Variants in ANO3 observed in about 807,000 individuals in gnomAD.
ANO3 encodes anoctamin 3.
A neutral mutation model predicts 144.8 loss-of-function variants in ANO3; 99 were observed. The ratio of observed to expected loss-of-function variants is 0.68; its 90% CI spans 0.58 to 0.81. ANO3 has a LOEUF of 0.81. Ranked by LOEUF, ANO3 falls within the 30% of genes least tolerant of loss-of-function variation. ANO3 has a pLI of 0.00. For synonymous variants in ANO3, 414 were observed against 392.6 expected, an observed-to-expected ratio of 1.05 and a Z score of -0.64; for missense variants, 905 against 1,202.2, an observed-to-expected ratio of 0.75 and a Z score of 3.66.
chr11:26,297,040 T>A (rs1031342376), intron 1 of ANO3, among the ~76,000 whole-genome samples: 1 of 152,174 alleles, frequency 6.6e-6, no homozygotes, highest in Non-Finnish European at 1.5e-5. Context: ...ATTGGATAAC[T>A]CTTAAAATTA....
intron 1 of ANO3, among the ~76,000 whole-genome samples, chr11:26,338,385 TA>T (rs1161259244): frequency 6.6e-6 from 1 of 152,180 alleles, no homozygotes; most frequent in Admixed American, 6.5e-5. Flanking sequence ...TAAAGGATTA[TA>T]AACGCAGCAA....
At chr11:26,531,671 T>C (rs1565084915) in intron 8 of ANO3, among the ~76,000 whole-genome samples, 1 of 152,128 alleles carries the variant, frequency 6.6e-6, no homozygotes, top group Non-Finnish European at 1.5e-5. Flanking sequence ...TTAATTAGCA[T>C]GTTTGAGTAA....
At chr11:26,495,633 C>T (rs1860904972) in intron 4 of ANO3, among the ~76,000 whole-genome samples, 2 of 152,148 alleles carry the variant, frequency 1.3e-5, no homozygotes, top group South Asian at 4.1e-4. Context: ...CCTTCTTCCT[C>T]TTCCTAAGTC....
chr11:26,549,398 G>A (rs364850), intron 12 of ANO3, among the ~76,000 whole-genome samples: 108,079 of 151,784 alleles, frequency 0.71, 38,796 homozygotes, highest in East Asian at 0.84. Context: ...GGTGTCAGAC[G>A]TGGTTGAGTT....
chr11:26,442,664 T>C, intron 2 of ANO3, among the ~76,000 whole-genome samples: 1 of 152,168 alleles, frequency 6.6e-6, no homozygotes, highest in East Asian at 1.9e-4. Flanking sequence ...TACACACATT[T>C]GCCCACTAAG....
chr11:26,284,732 T>C (rs1015725631), intron 1 of ANO3, among the ~76,000 whole-genome samples: 4 of 145,356 alleles, frequency 2.8e-5, no homozygotes, highest in African/African-American at 1.1e-4. Context: ...ACCCCGTCTC[T>C]ACTAAAAAAA....
At position 26,531,355 on chromosome 11, in the gene ANO3, T is replaced by G. The variant is rs141325730; in HGVS notation, c.869+19T>G. ...TTCACCAGTGAGTTCCCCTCTTTTT[T>G]CATACTGCCTACCTTTATATCTTGG... On this transcript the variant is annotated intron_variant, in intron 8 of 26. Coordinates refer to ENST00000256737, the MANE Select transcript of ANO3 (RefSeq NM_031418.4). 2 of 1,598,674 alleles carry G rather than the reference T, an allele frequency of 1.3e-6. No individual in the cohort carries two copies. Among genetic ancestry groups the G allele is most frequent in the Admixed American group, 3.5e-5 (2 of 56,708 alleles).
intron 1 of ANO3, among the ~76,000 whole-genome samples, chr11:26,374,316 AT>A (rs1270325183): frequency 2.0e-5 from 3 of 152,226 alleles, no homozygotes; most frequent in Admixed American, 6.5e-5. Context: ...CACATTCAGG[AT>A]TTGACATGGT....
intron 1 of ANO3, among the ~76,000 whole-genome samples, chr11:26,435,748 G>A (rs1312108889): frequency 1.3e-5 from 2 of 151,854 alleles, no homozygotes; most frequent in African/African-American, 4.8e-5. Context: ...AGATCAGTTA[G>A]GTTCTTTTTT....
chr11:26,634,177 T>C, intron 18 of ANO3, 27 bp from the exon 19 acceptor site: 2 of 1,472,824 alleles, frequency 1.4e-6, no homozygotes, highest in African/African-American at 1.4e-5. Context: ...ACCTCACCTG[T>C]GTCAATGCAA....
intron 17 of ANO3, among the ~76,000 whole-genome samples, chr11:26,607,896 G>A (rs550771983): frequency 4.6e-5 from 7 of 152,192 alleles, no homozygotes; most frequent in Non-Finnish European, 8.8e-5. Flanking sequence ...CTTTAGCTCA[G>A]TGGTGTTTGT....
intron 20 of ANO3, among the ~76,000 whole-genome samples, chr11:26,635,463 C>A (rs1852926071): frequency 6.6e-6 from 1 of 152,024 alleles, no homozygotes; most frequent in Non-Finnish European, 1.5e-5. Context: ...AAAGTACCTG[C>A]CTAAGACTCA....
intron 1 of ANO3, among the ~76,000 whole-genome samples, chr11:26,277,017 C>T (rs530966338): frequency 6.6e-5 from 10 of 152,120 alleles, no homozygotes; most frequent in South Asian, 6.2e-4. Flanking sequence ...GTAAGCTTGC[C>T]CTCTAGTGGC....
In ANO3 at chr11:26,662,741, A is replaced by T. The variant is rs928861537; in HGVS notation, c.*2297A>T. The T allele has an allele frequency of 6.6e-6, 1 of 152,082 alleles. No homozygotes were observed. The highest frequency in any genetic ancestry group is 6.6e-5 in the Admixed American group (1 of 15,212). 9.4% of individuals were successfully genotyped at this position (152,082 alleles called of 1,614,324 possible). On this transcript the variant is annotated 3_prime_UTR_variant, in exon 27 of 27. Coordinates refer to ENST00000256737, the MANE Select transcript of ANO3 (RefSeq NM_031418.4). ...GATGTGAAAAACAGAAAAAGAAAAA[A>T]TTGTCTGAAATGTTTATTTTGCAAA...
chr11:26,347,639 T>C (rs1037303362), intron 1 of ANO3, among the ~76,000 whole-genome samples: 3 of 152,202 alleles, frequency 2.0e-5, no homozygotes, highest in African/African-American at 7.2e-5. Flanking sequence ...TATGGGCACA[T>C]GGCCCGTCCT....
intron 1 of ANO3, among the ~76,000 whole-genome samples, chr11:26,405,522 G>C (rs186714431): frequency 0.012 from 1,753 of 151,860 alleles, 17 homozygotes; most frequent in Non-Finnish European, 0.018. Context: ...TAGCCAATCT[G>C]CCATTATTCC....
upstream of ANO3, among the ~76,000 whole-genome samples, chr11:26,305,983 T>G (rs1352704724): frequency 1.3e-5 from 2 of 152,140 alleles, no homozygotes; most frequent in African/African-American, 4.8e-5. Context: ...AGACAGAGTC[T>G]CGCTTCTCGC....
intron 1 of ANO3, among the ~76,000 whole-genome samples, chr11:26,424,372 T>C (rs11029551): frequency 0.18 from 27,233 of 151,816 alleles, 4,004 homozygotes; most frequent in African/African-American, 0.41. Flanking sequence ...TATTACTCTC[T>C]ATTATATAAC....
intron 14 of ANO3, among the ~76,000 whole-genome samples, chr11:26,596,766 C>T (rs75506466): frequency 0.15 from 23,511 of 152,130 alleles, 2,097 homozygotes; most frequent in East Asian, 0.32. Context: ...AGATATGGGT[C>T]AGAAGGAGAG....
Sources: gnomAD v4.1 joint callset for allele counts (sites outside exome capture counted in the v4.1 genomes callset) on GRCh38, gnomAD v4.1.1 for gene constraint, MANE v1.5 for transcripts, NCBI Gene and HGNC (gene_info 2026-07-23, HGNC 2026-07-21) for gene names.